The following NPHP4 variants were observed in gnomAD, a reference collection of about 807,000 sequenced individuals.
The protein encoded by NPHP4 is nephrocystin-4.
In NPHP4, 151 loss-of-function variants were observed where a neutral mutation model predicts 155.8. The observed-to-expected ratio is 0.97, with a 90% confidence interval of 0.85 to 1.11. The LOEUF (loss-of-function observed/expected upper bound fraction) is 1.11. Ranked by LOEUF, NPHP4 falls within the 50% of genes least tolerant of loss-of-function variation. The pLI, the probability that NPHP4 is intolerant of heterozygous loss-of-function variation, is 0.00. For synonymous variants in NPHP4, 845 were observed against 816.8 expected (o/e 1.03, Z -0.59); for missense variants, 1,956 against 1,925.7 (o/e 1.02, Z -0.29).
intron 16 of NPHP4, among the ~76,000 whole-genome samples, chr1:5,897,084 T>C (rs1355649664): frequency 6.6e-6 from 1 of 152,212 alleles, no homozygotes; most frequent in African/African-American, 2.4e-5. Context: ...CCTGTCTTTG[T>C]GGAGCATGTA....
intron 9 of NPHP4, among the ~76,000 whole-genome samples, chr1:5,941,005 G>C (rs2152922): frequency 0.62 from 93,784 of 151,952 alleles, 29,115 homozygotes; most frequent in East Asian, 0.76. Flanking sequence ...GCAAGGAAAA[G>C]AAGAACCATA....
At chr1:5,868,073 C>G (rs78598342) in intron 23 of NPHP4, 177 bp from the exon 24 acceptor site, 3 of 761,152 alleles carry the variant, frequency 3.9e-6, no homozygotes, top group Non-Finnish European at 7.0e-6. Context: ...AGCAGCAGGT[C>G]TCCACCAGGA....
chr1:5,957,879 T>G (rs1649548438), intron 6 of NPHP4, among the ~76,000 whole-genome samples: 1 of 150,988 alleles, frequency 6.6e-6, no homozygotes. Flanking sequence ...TTGCCTTTGG[T>G]GACTGTGGTT....
chr1:5,888,644 T>A (rs762586152), intron 17 of NPHP4: 1 of 1,326,162 alleles, frequency 7.5e-7, no homozygotes, highest in African/African-American at 1.5e-5. Context: ...CAAGAAACCA[T>A]GTCAGCTTCT....
chr1:5,963,396 A>G (rs554124068), intron 5 of NPHP4, among the ~76,000 whole-genome samples: 4 of 146,368 alleles, frequency 2.7e-5, no homozygotes, highest in African/African-American at 7.6e-5. Context: ...ATCTCAAAAT[A>G]AAAAAAAAAA....
chr1:5,958,374 G>C (rs1649639639), intron 6 of NPHP4, among the ~76,000 whole-genome samples: 1 of 152,060 alleles, frequency 6.6e-6, no homozygotes, highest in Non-Finnish European at 1.5e-5. Flanking sequence ...GCAACACGGA[G>C]AAACCCTGTC....
chr1:5,991,773 C>CG (rs1418346463), intron 1 of NPHP4, among the ~76,000 whole-genome samples: 3 of 139,556 alleles, frequency 2.1e-5, no homozygotes, highest in South Asian at 2.7e-4. Context: ...GAGCTGGAGC[C>CG]GGGGGGCGGG....
intron 7 of NPHP4, 90 bp downstream of exon 7, chr1:5,952,610 C>T (rs1389165189): frequency 1.3e-5 from 3 of 229,514 alleles, no homozygotes; most frequent in Non-Finnish European, 2.6e-5. Flanking sequence ...CCCCACCCAC[C>T]CCTACCCTGC....
intron 4 of NPHP4, among the ~76,000 whole-genome samples, chr1:5,968,054 T>G (rs983504997): frequency 6.6e-6 from 1 of 152,012 alleles, no homozygotes; most frequent in African/African-American, 2.4e-5. Context: ...GAACACCTAC[T>G]GCCTGCCAGG....
rs1268029970 is a variant in NPHP4, at chr1:5,868,846, GCATGCACACACATA to G, written c.3316-964_3316-951del. On this transcript the variant is annotated intron_variant, in intron 23 of 29. Transcript: ENST00000378156. ...CACATGCACACACGCACCCACACAC[GCATGCACACACATA>G]CATGCACACATGCCCCCACACGCAC... 1.6e-4 allele frequency among the ~76,000 whole-genome samples: 10 copies of G among 63,652 alleles called. No individual in the cohort carries two copies. In the East Asian group the frequency reaches 3.0e-3, roughly 19 times the overall value. The allele number at this position is 63,652 out of a possible 152,430, so 41.8% of individuals were successfully genotyped here.
At chr1:5,962,871 G>A (rs1192721572) in intron 5 of NPHP4, among the ~76,000 whole-genome samples, 1 of 152,216 alleles carries the variant, frequency 6.6e-6, no homozygotes, top group African/African-American at 2.4e-5. Flanking sequence ...CCGAAACACA[G>A]GGCCTGGGCT....
rs1042365854 is a variant in NPHP4 at position 5,917,159 on chromosome 1, C to A, written c.1442-7946G>T. Among the ~76,000 whole-genome samples, 11 of 152,092 alleles carry A rather than the reference C, an allele frequency of 7.2e-5. 1 individual carries two copies. The highest frequency in any genetic ancestry group is 7.2e-4 in the Admixed American group (11 of 15,280). ...GGGAATCACCCTCCCAGCCCTTAAC[C>A]ATACAGTCAGGGGTGGCCCCAACCC... On this transcript the variant is annotated intron_variant, in intron 11 of 29. Transcript: ENST00000378156.
At chr1:5,888,591 G>A in intron 17 of NPHP4, 1 of 1,350,854 alleles carries the variant, frequency 7.4e-7, no homozygotes, top group Non-Finnish European at 9.8e-7. Flanking sequence ...CTGGGAGACT[G>A]AGAAGATATG....
rs756154468 is a variant in NPHP4, at chr1:5,909,134, T to TG, written c.1503+17dup. The stretch of plus-strand genomic sequence containing the variant: ...GACTCTGGAATTCTGAAGGAGGCCG[T>TG]GGGGGGCCTGGACTTACCCCTGGTC... On this transcript the variant is annotated intron_variant, in intron 12 of 29. Transcript: ENST00000378156. 37 of 1,580,706 alleles carry TG rather than the reference T, an allele frequency of 2.3e-5. No homozygotes were observed. In the African/African-American group the frequency reaches 2.4e-4, roughly 10 times the overall value.
At chr1:5,903,864 G>C (rs571255752) in intron 16 of NPHP4, among the ~76,000 whole-genome samples, 1 of 152,270 alleles carries the variant, frequency 6.6e-6, no homozygotes, top group African/African-American at 2.4e-5. Context: ...GGCTGCTGAC[G>C]CAACACAAAG....
rs1040560538 is a variant in NPHP4, at chr1:5,874,714, G to A, written c.3045-57C>T. On this transcript the variant is annotated intron_variant, in intron 21 of 29. Coordinates refer to ENST00000378156, the MANE Select transcript of NPHP4 (RefSeq NM_015102.5). ...GTTCTTCCCAGGAGGACCCACAGGAGGCTGCGGTCCCACCCACCGAGAGCG... is the reference window on the plus strand; with the variant it reads ...GTTCTTCCCAGGAGGACCCACAGGAAGCTGCGGTCCCACCCACCGAGAGCG... 4.8e-5 allele frequency: 75 copies of A among 1,570,506 alleles called. No individual in the cohort carries two copies. In the South Asian group the frequency reaches 8.3e-4, roughly 17 times the overall value.
rs574513726 is a variant in NPHP4, at chr1:5,905,884, G to A, written c.1612-101C>T. 6.9e-5 allele frequency: 79 copies of A among 1,144,896 alleles called. No homozygotes were observed. In the African/African-American group the frequency reaches 1.0e-3, roughly 15 times the overall value. 70.9% of individuals were successfully genotyped at this position (1,144,896 alleles called of 1,614,324 possible). A position where few individuals can be genotyped will look rare whatever the true frequency, so the allele number is the denominator to read the frequency against. ...GGGGATTCATCGATTAATTGCCTCT[G>A]GAGGGTTGCCAGCTCTAGCAAATAC... On this transcript the variant is annotated intron_variant, in intron 13 of 29. Transcript: ENST00000378156. The surrounding 1 kb of genome is among the most constrained non-coding windows in gnomAD (Gnocchi z 4.0).
chr1:5,963,536 G>C (rs1369338975), intron 5 of NPHP4, among the ~76,000 whole-genome samples: 2 of 152,138 alleles, frequency 1.3e-5, no homozygotes, highest in East Asian at 3.8e-4. Context: ...CAACCTCTCT[G>C]GGGGCGGGGC....
chr1:5,939,767 G>A (rs1350100695), intron 9 of NPHP4, among the ~76,000 whole-genome samples: 3 of 152,204 alleles, frequency 2.0e-5, no homozygotes, highest in Non-Finnish European at 2.9e-5. Flanking sequence ...AGGGGCTCAC[G>A]TGAGGCTGGC....
Sources: gnomAD v4.1 joint callset for allele counts (sites outside exome capture counted in the v4.1 genomes callset) on GRCh38, gnomAD v4.1.1 for gene constraint, Gnocchi (gnomAD v3.1) non-coding constraint, MANE v1.5 for transcripts, NCBI Gene and HGNC (gene_info 2026-07-23, HGNC 2026-07-21) for gene names.